Variants in CACNG7 observed in about 807,000 individuals in gnomAD.
CACNG7 encodes voltage-dependent calcium channel gamma-7 subunit.
A neutral mutation model predicts 26.3 loss-of-function variants in CACNG7; 9 were observed. The observed-to-expected ratio is 0.34, with a 90% CI of 0.21 to 0.60. The LOEUF (loss-of-function observed/expected upper bound fraction) is 0.60, where lower values mean the gene tolerates loss of function less well. Ranked by LOEUF, CACNG7 falls within the 20% of genes least tolerant of loss-of-function variation. The pLI is 0.81. For synonymous variants in CACNG7, 170 were observed against 157.0 expected (o/e 1.08, Z -0.62); for missense variants, 297 against 380.4 (o/e 0.78, Z 1.82).
intron 1 of CACNG7, among the ~76,000 whole-genome samples, chr19:53,910,160 G>C (rs557673931): frequency 3.9e-5 from 6 of 152,300 alleles, no homozygotes; most frequent in Non-Finnish European, 8.8e-5. Context: ...GAGTCAGAGG[G>C]GCGAAAGGGG....
At chr19:53,931,685 TAAAAAAAAAAAAAAAAA>T (rs747430354) in intron 4 of CACNG7, among the ~76,000 whole-genome samples, 1 of 44,950 alleles carries the variant, frequency 2.2e-5, no homozygotes, top group African/African-American at 7.0e-5. Flanking sequence ...AGACTCTGTC[TAAAAAAAAAAAAAAAAA>T]AAAAAAGAAA....
At position 53,940,866 on chromosome 19, in the gene CACNG7, C is replaced by T. The variant is rs1464342168; in HGVS notation, c.425-604C>T. On this transcript the variant is annotated intron_variant, in intron 4 of 5. Coordinates refer to ENST00000391767, the MANE Select transcript of CACNG7 (RefSeq NM_031896.5). This position sits in a 1 kb window ranked among gnomAD's most constrained non-coding sequence, Gnocchi z 4.1. ...GGTCAGGAGTTTGAGACCAGCCTGGCCAACATGGTGAAACCCCGTCTCTAC... is the reference window on the plus strand; with the variant it reads ...GGTCAGGAGTTTGAGACCAGCCTGGTCAACATGGTGAAACCCCGTCTCTAC... 6.6e-6 allele frequency among the ~76,000 whole-genome samples: 1 copy of T among 151,726 alleles called. No individual in the cohort carries two copies. The highest frequency in any genetic ancestry group is 1.5e-5 in the Non-Finnish European group (1 of 67,960).
At chr19:53,914,928 G>A (rs2068885250) in intron 3 of CACNG7, among the ~76,000 whole-genome samples, 1 of 151,812 alleles carries the variant, frequency 6.6e-6, no homozygotes, top group Non-Finnish European at 1.5e-5. Flanking sequence ...CTTGAACCTG[G>A]GAGGTGGAGC....
chr19:53,925,115 G>C, intron 4 of CACNG7, among the ~76,000 whole-genome samples: 1 of 104,920 alleles, frequency 9.5e-6, no homozygotes, highest in Non-Finnish European at 1.9e-5. Flanking sequence ...CCTAGGGCTG[G>C]TCATTGGTGG....
chr19:53,919,443 T>G (rs2068921261), intron 4 of CACNG7, among the ~76,000 whole-genome samples: 1 of 145,672 alleles, frequency 6.9e-6, no homozygotes, highest in Non-Finnish European at 1.5e-5. Flanking sequence ...TGGTCATTGG[T>G]GGAGTTGCCC....
At chr19:53,925,599 G>GGTGGACTTGCCCCAGGCTGGTCATTT (rs1252939560) in intron 4 of CACNG7, among the ~76,000 whole-genome samples, 2 of 152,186 alleles carry the variant, frequency 1.3e-5, no homozygotes, top group Admixed American at 6.5e-5. Flanking sequence ...GCTGGTCATT[G>GGTGGACTTGCCCCAGGCTGGTCATTT]GGGGAGTTGC....
chr19:53,925,447 CTTGCCACAGGTATGGCCATTGGTGGAG>C, intron 4 of CACNG7, among the ~76,000 whole-genome samples: 1 of 113,704 alleles, frequency 8.8e-6, no homozygotes, highest in African/African-American at 3.9e-5. Context: ...CATTGGTGGA[CTTGCCACAGGTATGGCCATTGGTGGAG>C]TTGCCCCAGG....
In CACNG7 at chr19:53,940,900, T is replaced by TA. The variant is rs538726874; in HGVS notation, c.425-559dup. Among the ~76,000 whole-genome samples, 35 of 146,014 alleles carry TA rather than the reference T, an allele frequency of 2.4e-4. No homozygotes were observed. Among genetic ancestry groups the TA allele is most frequent in the Admixed American group, 1.0e-3 (15 of 14,554 alleles). ...TGAAACCCCGTCTCTACTAAAAATA[T>TA]AAAAAAAAAAATTAGTCGGGAGTGG... On this transcript the variant is annotated intron_variant, in intron 4 of 5. Transcript: ENST00000391767. The surrounding 1 kb of genome is among the most constrained non-coding windows in gnomAD (Gnocchi z 4.1).
intron 4 of CACNG7, among the ~76,000 whole-genome samples, chr19:53,924,315 G>A (rs933170337): frequency 3.4e-5 from 5 of 147,254 alleles, no homozygotes; most frequent in Non-Finnish European, 7.5e-5. Flanking sequence ...GTTGCCCCAG[G>A]CCTGGTCATT....
At chr19:53,915,677 G>A (rs112419099) in intron 4 of CACNG7, among the ~76,000 whole-genome samples, 172 bp downstream of exon 4, 1 of 152,164 alleles carries the variant, frequency 6.6e-6, no homozygotes, top group Non-Finnish European at 1.5e-5. Context: ...ATTGCAAAGC[G>A]TCCTTCAGAG....
Position 53,940,863 on chromosome 19 carries a change from T to C in CACNG7, c.425-607T>C, listed in dbSNP as rs181556136. 5.2e-3 allele frequency among the ~76,000 whole-genome samples: 793 copies of C among 151,902 alleles called. 6 individuals carry two copies. Among genetic ancestry groups the C allele is most frequent in the African/African-American group, 0.018 (740 of 41,380 alleles). Reference sequence around the variant, plus strand: ...TGAGGTCAGGAGTTTGAGACCAGCCTGGCCAACATGGTGAAACCCCGTCTC... The same window carrying C: ...TGAGGTCAGGAGTTTGAGACCAGCCCGGCCAACATGGTGAAACCCCGTCTC... On this transcript the variant is annotated intron_variant, in intron 4 of 5. Coordinates refer to ENST00000391767, the MANE Select transcript of CACNG7 (RefSeq NM_031896.5). The surrounding 1 kb of genome is among the most constrained non-coding windows in gnomAD (Gnocchi z 4.1).
rs1276747785 is a variant in CACNG7 at position 53,941,537 on chromosome 19, C to T, written c.492C>T (p.Pro164=). 6.2e-7 allele frequency: 1 copy of T among 1,606,572 alleles called. No homozygotes were observed. Among genetic ancestry groups the T allele is most frequent in the African/African-American group, 1.3e-5 (1 of 74,326 alleles). The change falls in exon 5 of 6, where the codon CCC becomes CCT. Residue 164 remains proline, a synonymous_variant. Coordinates refer to ENST00000391767, the MANE Select transcript of CACNG7 (RefSeq NM_031896.5). The part of the protein sequence containing the change: ...SSINDEVMNR[P]SSSEQYFHYR... ...TCAACGACGAGGTCATGAACAGGCCCAGCAGCTCTGAGCAGTATTTTCATT... is the reference window on the plus strand; with the variant it reads ...TCAACGACGAGGTCATGAACAGGCCTAGCAGCTCTGAGCAGTATTTTCATT...
rs1011186103 is a variant in CACNG7 at position 53,915,351 on chromosome 19, C to T, written c.284-14C>T. 9 of 1,599,982 alleles carry T rather than the reference C, an allele frequency of 5.6e-6. No individual in the cohort carries two copies. The highest frequency in any genetic ancestry group is 1.7e-5 in the Admixed American group (1 of 59,968). On this transcript the variant is annotated splice_polypyrimidine_tract_variant and intron_variant, in intron 3 of 5. Transcript: ENST00000391767. ...TTCCCCCCTCACCCCTGTCTCTCCC[C>T]ATCCCCTCCCCAGAGACAGTGCGCA... is the stretch of plus-strand genomic sequence containing the variant.
At chr19:53,921,741 GC>G (rs1176025620) in intron 4 of CACNG7, among the ~76,000 whole-genome samples, 1 of 65,336 alleles carries the variant, frequency 1.5e-5, no homozygotes, top group Non-Finnish European at 2.7e-5. Flanking sequence ...TGGTGGAGTT[GC>G]CCCAGGTCTG....
At chr19:53,924,043 CCTGGTCATTGGTGGAGTTGTCCCCAGGT>C (rs2068996201) in intron 4 of CACNG7, among the ~76,000 whole-genome samples, 15 of 93,222 alleles carry the variant, frequency 1.6e-4, no homozygotes, top group South Asian at 3.8e-4. Context: ...TTGCCCCAGG[CCTGGTCATTGGTGGAGTTGTCCCCAGGT>C]CTGGTCATTG....
At position 53,909,994 on chromosome 19, in the gene CACNG7, G is replaced by A. The variant is rs769713779; in HGVS notation, c.-30+477G>A. 5.3e-5 allele frequency among the ~76,000 whole-genome samples: 8 copies of A among 152,154 alleles called. No homozygotes were observed. Among genetic ancestry groups the A allele is most frequent in the Non-Finnish European group, 1.0e-4 (7 of 68,036 alleles). The stretch of plus-strand genomic sequence containing the variant: ...GAAAGGGTGGGAGAAAGAGGGAGAA[G>A]AGGAGGCTTCAGGCCTGGGGGGAGG... On this transcript the variant is annotated intron_variant, in intron 1 of 5. Transcript: ENST00000391767. This position sits in a 1 kb window ranked among gnomAD's most constrained non-coding sequence, Gnocchi z 5.1.
intron 1 of CACNG7, among the ~76,000 whole-genome samples, chr19:53,911,643 A>G (rs1278100681): frequency 6.6e-6 from 1 of 152,110 alleles, no homozygotes; most frequent in African/African-American, 2.4e-5. Flanking sequence ...GGAAGCTGAG[A>G]TCGGCTACCT....
At chr19:53,914,439 C>A in intron 2 of CACNG7, 61 bp from the exon 3 acceptor site, 1 of 1,475,200 alleles carries the variant, frequency 6.8e-7, no homozygotes, top group Non-Finnish European at 9.4e-7. Flanking sequence ...TGCCCCCACC[C>A]CCAGCCTCTC....
At chr19:53,925,720 C>T (rs2069025270) in intron 4 of CACNG7, among the ~76,000 whole-genome samples, 1 of 152,220 alleles carries the variant, frequency 6.6e-6, no homozygotes, top group Non-Finnish European at 1.5e-5. Context: ...ACAGGGACCT[C>T]TGCTGGGGAT....
Sources: allele counts gnomAD v4.1 joint callset (sites outside exome capture counted in the v4.1 genomes callset), GRCh38; gene constraint gnomAD v4.1.1; non-coding constraint Gnocchi (gnomAD v3.1); transcripts MANE v1.5; gene names NCBI Gene and HGNC (gene_info 2026-07-23, HGNC 2026-07-21).